CSMD1: variants seen among roughly 807,000 people sequenced by gnomAD.
The protein encoded by CSMD1 is CUB and Sushi multiple domains 1, also known as CUB and sushi domain-containing protein 1.
In CSMD1, 213 loss-of-function variants were observed where a neutral mutation model predicts 417.5. The ratio of observed to expected loss-of-function variants is 0.51; its 90% CI spans 0.46 to 0.57. CSMD1 has a LOEUF of 0.57. Among genes scored for constraint, CSMD1 ranks in the 20% least tolerant of loss-of-function variants. CSMD1 has a pLI of 0.00. For missense variants in CSMD1, 6,923 were observed against 4,529.7 expected, an observed-to-expected ratio of 1.53 and a Z score of -15.17; for synonymous variants, 2,862 against 1,736.8, an observed-to-expected ratio of 1.65 and a Z score of -16.11.
rs527456070 is a variant in CSMD1, at chr8:3,383,610, A to G, written c.2782+3884T>C. Among the ~76,000 whole-genome samples, 11 of 152,326 alleles carry G rather than the reference A, an allele frequency of 7.2e-5. 1 individual carries two copies. The South Asian group carries it at 2.1e-3, about 29-fold the overall frequency. ...AAATTAAAAATTTCTATTCATCGAA[A>G]TGATGCCAATAAGAGAAGGAGAAGA... On this transcript the variant is annotated intron_variant, in intron 18 of 69. Coordinates refer to ENST00000635120, the MANE Select transcript of CSMD1 (RefSeq NM_033225.6).
chr8:4,876,754 T>G (rs935349169), intron 1 of CSMD1, among the ~76,000 whole-genome samples: 1 of 152,092 alleles, frequency 6.6e-6, no homozygotes, highest in African/African-American at 2.4e-5. Flanking sequence ...TGTACCAGTT[T>G]ACATCTGGAG....
At chr8:4,379,302 GA>G (rs1156395707) in intron 3 of CSMD1, among the ~76,000 whole-genome samples, 1 of 152,160 alleles carries the variant, frequency 6.6e-6, no homozygotes, top group East Asian at 1.9e-4. Context: ...TCAAGGTCAA[GA>G]AAGACAAGGA....
intron 2 of CSMD1, among the ~76,000 whole-genome samples, chr8:4,469,611 T>C (rs951299371): frequency 6.6e-6 from 1 of 152,152 alleles, no homozygotes; most frequent in Admixed American, 6.6e-5. Flanking sequence ...CTCTGTGTAT[T>C]CCTGACATCC....
chr8:4,246,871 G>A lies in CSMD1; in HGVS notation c.415+173082C>T, dbSNP rs567942884. 2.0e-5 allele frequency among the ~76,000 whole-genome samples: 3 copies of A among 152,222 alleles called. No homozygotes were observed. In the South Asian group the frequency reaches 6.2e-4, roughly 32 times the overall value. ...GCTGAACACTCAAATAATCTACAAA[G>A]TGACTTTTTAAACACTTTTTCCGTG... On this transcript the variant is annotated intron_variant, in intron 3 of 69. Transcript: ENST00000635120.
rs376834965 is a variant in CSMD1 at position 4,983,555 on chromosome 8, T to A, written c.85+10777A>T. On this transcript the variant is annotated intron_variant, in intron 1 of 69. Coordinates refer to ENST00000635120, the MANE Select transcript of CSMD1 (RefSeq NM_033225.6). Reference sequence around the variant, plus strand: ...TTTGTTTTTTGAAATGGAATTTCACTCCTGTCGCCCAGGCTGGAAGGCAGT... The same window carrying A: ...TTTGTTTTTTGAAATGGAATTTCACACCTGTCGCCCAGGCTGGAAGGCAGT... 2.6e-5 allele frequency among the ~76,000 whole-genome samples: 4 copies of A among 152,256 alleles called. No homozygotes were observed. In the East Asian group the frequency reaches 7.7e-4, roughly 29 times the overall value.
intron 3 of CSMD1, among the ~76,000 whole-genome samples, chr8:4,055,134 T>C (rs1193746414): frequency 2.6e-5 from 4 of 152,200 alleles, no homozygotes; most frequent in Non-Finnish European, 5.9e-5. Flanking sequence ...GATAGAAATA[T>C]GGCCTACTTC....
chr8:3,473,635 A>G (rs916097186), intron 11 of CSMD1, among the ~76,000 whole-genome samples: 9 of 152,216 alleles, frequency 5.9e-5, no homozygotes, highest in Non-Finnish European at 1.3e-4. Flanking sequence ...AAAATAAAAT[A>G]GATACTGGCT....
At chr8:3,220,989 T>A (rs1585697002) in intron 28 of CSMD1, among the ~76,000 whole-genome samples, 1 of 152,116 alleles carries the variant, frequency 6.6e-6, no homozygotes, top group East Asian at 1.9e-4. Context: ...CTGCAGAAAT[T>A]TGGGACAACT....
chr8:4,538,902 A>C (rs1217395190), intron 2 of CSMD1, among the ~76,000 whole-genome samples: 2 of 152,154 alleles, frequency 1.3e-5, no homozygotes, highest in Admixed American at 1.3e-4. Context: ...CTTTTATGGA[A>C]TCTTTGAATC....
chr8:3,167,346 A>C (rs555607419), intron 37 of CSMD1, among the ~76,000 whole-genome samples: 2 of 151,708 alleles, frequency 1.3e-5, no homozygotes, highest in Admixed American at 1.3e-4. Context: ...TATCACTTTT[A>C]ATGGCAAAAA....
intron 1 of CSMD1, among the ~76,000 whole-genome samples, chr8:4,929,386 G>C (rs1460340111): frequency 6.6e-6 from 1 of 152,106 alleles, no homozygotes; most frequent in Non-Finnish European, 1.5e-5. Flanking sequence ...AATTATTAAA[G>C]GACTCCTCCT....
intron 3 of CSMD1, among the ~76,000 whole-genome samples, chr8:4,214,562 T>C (rs1390463098): frequency 2.0e-5 from 3 of 152,194 alleles, no homozygotes; most frequent in Non-Finnish European, 4.4e-5. Flanking sequence ...CCTCCCAAAG[T>C]GCTGGAATTA....
At chr8:4,048,845 T>C (rs750257768) in intron 3 of CSMD1, among the ~76,000 whole-genome samples, 1 of 152,240 alleles carries the variant, frequency 6.6e-6, no homozygotes, top group Admixed American at 6.5e-5. Flanking sequence ...CTTAGAAGCC[T>C]GTGTTCAATA....
chr8:3,420,403 G>T (rs1283706633), intron 12 of CSMD1, among the ~76,000 whole-genome samples: 1 of 149,976 alleles, frequency 6.7e-6, no homozygotes, highest in African/African-American at 2.5e-5. Context: ...GTGGTTCCTG[G>T]GACAGGAAGA....
In CSMD1 at chr8:3,292,037, C is replaced by T. The variant is rs543115122; in HGVS notation, c.3951-7691G>A. 1.8e-4 allele frequency among the ~76,000 whole-genome samples: 27 copies of T among 152,004 alleles called. No homozygotes were observed. The East Asian group carries it at 3.9e-3, about 22-fold the overall frequency. On this transcript the variant is annotated intron_variant, in intron 25 of 69. Transcript: ENST00000635120. The stretch of plus-strand genomic sequence containing the variant: ...TTCTGGTATGTTGTGTCTTTGTTCT[C>T]GTTGGTTTCAAAGAACATCTTTATT...
At chr8:3,732,158 C>G (rs1315178317) in intron 6 of CSMD1, among the ~76,000 whole-genome samples, 1 of 152,206 alleles carries the variant, frequency 6.6e-6, no homozygotes, top group Non-Finnish European at 1.5e-5. Context: ...GCCCTGAGTT[C>G]AGGTCACTCG....
intron 8 of CSMD1, among the ~76,000 whole-genome samples, chr8:3,615,516 A>G (rs1308516635): frequency 6.6e-6 from 1 of 152,194 alleles, no homozygotes; most frequent in East Asian, 1.9e-4. Flanking sequence ...TAGTTAACCT[A>G]TATCCATTCC....
At chr8:4,810,478 G>A (rs1334266350) in intron 1 of CSMD1, among the ~76,000 whole-genome samples, 6 of 152,082 alleles carry the variant, frequency 3.9e-5, no homozygotes, top group Non-Finnish European at 2.9e-5. Context: ...CCCGAGTCAT[G>A]TTTGATGTTA....
At chr8:4,860,973 G>A (rs553727344) in intron 1 of CSMD1, among the ~76,000 whole-genome samples, 9 of 152,132 alleles carry the variant, frequency 5.9e-5, no homozygotes, top group African/African-American at 1.9e-4. Context: ...GTAAACCTGT[G>A]CTGCCAAAAA....
Sources: gnomAD v4.1 joint callset for allele counts (sites outside exome capture counted in the v4.1 genomes callset) on GRCh38, gnomAD v4.1.1 for gene constraint, MANE v1.5 for transcripts, NCBI Gene and HGNC (gene_info 2026-07-23, HGNC 2026-07-21) for gene names.